Variants in DAAM1 observed in about 807,000 individuals in gnomAD.
The protein encoded by DAAM1 is dishevelled associated activator of morphogenesis 1.
In DAAM1, 52 loss-of-function variants were observed where a neutral mutation model predicts 130.0. That is an observed-to-expected ratio of 0.40 (90% CI 0.32 to 0.50). DAAM1 has a LOEUF of 0.50. Among genes scored for constraint, DAAM1 ranks in the 20% least tolerant of loss-of-function variants. The pLI is 0.61. For missense variants in DAAM1, 1,134 were observed against 1,303.8 expected, an observed-to-expected ratio of 0.87 and a Z score of 2.01; for synonymous variants, 452 against 444.5, an observed-to-expected ratio of 1.02 and a Z score of -0.21.
chr14:59,248,612 G>A (rs189855855), intron 1 of DAAM1, among the ~76,000 whole-genome samples: 2 of 152,164 alleles, frequency 1.3e-5, no homozygotes, highest in Admixed American at 6.5e-5. Flanking sequence ...TATGTGACCA[G>A]TTTACACACT....
At chr14:59,338,540 A>G in intron 15 of DAAM1, 1 of 963,982 alleles carries the variant, frequency 1.0e-6, no homozygotes, top group Admixed American at 2.4e-5. Context: ...TCTAATGCCT[A>G]GGTAACTCCA....
chr14:59,301,961 T>C (rs1314392286), intron 3 of DAAM1, among the ~76,000 whole-genome samples: 1 of 152,210 alleles, frequency 6.6e-6, no homozygotes, highest in Non-Finnish European at 1.5e-5. Context: ...TTCTAATACA[T>C]GTTGAGTATC....
At chr14:59,229,041 GT>G (rs1180358086) in intron 1 of DAAM1, among the ~76,000 whole-genome samples, 1 of 152,140 alleles carries the variant, frequency 6.6e-6, no homozygotes, top group Non-Finnish European at 1.5e-5. Flanking sequence ...GAATATTGTA[GT>G]TCTGATTAGC....
chr14:59,355,096 C>T (rs1886425221), intron 19 of DAAM1, 69 bp from the exon 20 acceptor site: 24 of 1,555,014 alleles, frequency 1.5e-5, no homozygotes, highest in Non-Finnish European at 2.1e-5. Flanking sequence ...GAATGGGTAT[C>T]ACTGAAACAT....
rs139268193 is a variant in DAAM1, at chr14:59,203,283, C to T, written c.-38+14515C>T. Among the ~76,000 whole-genome samples, 110 of 150,778 alleles carry T rather than the reference C, an allele frequency of 7.3e-4. 1 individual carries two copies. The highest frequency in any genetic ancestry group is 6.8e-3 in the Middle Eastern group (2 of 292). On this transcript the variant is annotated intron_variant, in intron 1 of 24. Coordinates refer to ENST00000360909, the MANE Select transcript of DAAM1 (RefSeq NM_001270520.2). ...TTGGCCTCCCAAAGTGCTGGGATTA[C>T]AGGCGTGAATAGCTTTCTTTTGGAG...
intron 15 of DAAM1, 39 bp downstream of exon 15, chr14:59,331,959 A>C: frequency 6.4e-7 from 1 of 1,550,914 alleles, no homozygotes; most frequent in Non-Finnish European, 8.9e-7. Context: ...AAAGGTAGAA[A>C]AATCATGTCT....
chr14:59,343,930 C>T (rs1031210577), intron 16 of DAAM1, among the ~76,000 whole-genome samples: 40 of 152,310 alleles, frequency 2.6e-4, no homozygotes, highest in African/African-American at 7.0e-4. Flanking sequence ...GTCTTAGAGA[C>T]GTTCCTCAGG....
chr14:59,338,353 T>G, intron 15 of DAAM1: 1 of 1,613,056 alleles, frequency 6.2e-7, no homozygotes, highest in African/African-American at 1.3e-5. Context: ...TATATCTGAT[T>G]TGCCTTTTCC....
chr14:59,208,437 C>T (rs2054321006), intron 1 of DAAM1, among the ~76,000 whole-genome samples: 1 of 152,166 alleles, frequency 6.6e-6, no homozygotes, highest in African/African-American at 2.4e-5. Context: ...CATCTGAGGC[C>T]ATGGCCGGAC....
chr14:59,362,055 G>T (rs1485449840), intron 22 of DAAM1, among the ~76,000 whole-genome samples: 3 of 137,850 alleles, frequency 2.2e-5, no homozygotes, highest in African/African-American at 8.2e-5. Context: ...GTAGGGGGCA[G>T]TATTAAAAAA....
rs1423046891 is a variant in DAAM1 at position 59,369,182 on chromosome 14, T to TATC, written c.*324_*326dup. The TATC allele has an allele frequency of 5.1e-6, 1 of 197,950 alleles. No homozygotes were observed. Among genetic ancestry groups the TATC allele is most frequent in the African/African-American group, 2.3e-5 (1 of 42,856 alleles). 12.3% of individuals were successfully genotyped at this position (197,950 alleles called of 1,614,324 possible). On this transcript the variant is annotated 3_prime_UTR_variant, in exon 25 of 25. Transcript: ENST00000360909. ...CCATGACTGTTCAGAAGCACAATACTATCTCCTGAAAGAGATAAGAGACAT... is the reference window on the plus strand; with the variant it reads ...CCATGACTGTTCAGAAGCACAATACTATCATCTCCTGAAAGAGATAAGAGACAT...
At chr14:59,201,826 G>A (rs1888115102) in intron 1 of DAAM1, among the ~76,000 whole-genome samples, 1 of 151,112 alleles carries the variant, frequency 6.6e-6, no homozygotes. Flanking sequence ...TGTCCATTTT[G>A]GTGTGACTGT....
intron 3 of DAAM1, among the ~76,000 whole-genome samples, chr14:59,312,240 G>A (rs969069554): frequency 6.6e-6 from 1 of 152,172 alleles, no homozygotes; most frequent in Non-Finnish European, 1.5e-5. Context: ...GACACTGAAT[G>A]GACATAACTG....
chr14:59,340,234 G>A, intron 16 of DAAM1, 54 bp downstream of exon 16: 1 of 1,535,786 alleles, frequency 6.5e-7, no homozygotes, highest in Non-Finnish European at 9.0e-7. Flanking sequence ...TCCATTCTGT[G>A]GCTCAAAACC....
chr14:59,200,864 T>G (rs1172578208), intron 1 of DAAM1, among the ~76,000 whole-genome samples: 1 of 152,054 alleles, frequency 6.6e-6, no homozygotes, highest in South Asian at 2.1e-4. Context: ...ACAGGATTCT[T>G]AAAGATCCCC....
chr14:59,369,179 T>G lies in DAAM1; in HGVS notation c.*320T>G, dbSNP rs1887045129. ...ACGCCATGACTGTTCAGAAGCACAA[T>G]ACTATCTCCTGAAAGAGATAAGAGA... On this transcript the variant is annotated 3_prime_UTR_variant, in exon 25 of 25. Coordinates refer to ENST00000360909, the MANE Select transcript of DAAM1 (RefSeq NM_001270520.2). The G allele has an allele frequency of 5.0e-6, 1 of 200,044 alleles. No homozygotes were observed. Among genetic ancestry groups the G allele is most frequent in the Non-Finnish European group, 1.0e-5 (1 of 98,714 alleles). The allele number at this position is 200,044 out of a possible 1,614,324, so 12.4% of individuals were successfully genotyped here.
At chr14:59,344,453 C>G (rs1452579162) in intron 16 of DAAM1, among the ~76,000 whole-genome samples, 1 of 152,176 alleles carries the variant, frequency 6.6e-6, no homozygotes, top group Non-Finnish European at 1.5e-5. Flanking sequence ...AGAACACTGC[C>G]AAGCTTTAAA....
Position 59,368,955 on chromosome 14 carries a change from A to T in DAAM1, c.*96A>T. The T allele has an allele frequency of 8.8e-7, 1 of 1,136,654 alleles. No individual in the cohort carries two copies. The highest frequency in any genetic ancestry group is 1.6e-5 in the South Asian group (1 of 63,062). 70.4% of individuals were successfully genotyped at this position (1,136,654 alleles called of 1,614,324 possible). A position where few individuals can be genotyped will look rare whatever the true frequency, so the allele number is the denominator to read the frequency against. Reference sequence around the variant, plus strand: ...CTGCCTTGCAATCCAAACAGTGGCAATTTTTTCCTTCATCTGTGAGTGAAT... The same window carrying T: ...CTGCCTTGCAATCCAAACAGTGGCATTTTTTTCCTTCATCTGTGAGTGAAT... On this transcript the variant is annotated 3_prime_UTR_variant, in exon 25 of 25. Transcript: ENST00000360909.
At chr14:59,364,290 A>G (rs2139689573) in intron 23 of DAAM1, among the ~76,000 whole-genome samples, 1 of 152,320 alleles carries the variant, frequency 6.6e-6, no homozygotes, top group African/African-American at 2.4e-5. Flanking sequence ...AGAACTCGCT[A>G]AAAGAGATGC....
Sources: allele counts gnomAD v4.1 joint callset (sites outside exome capture counted in the v4.1 genomes callset), GRCh38; gene constraint gnomAD v4.1.1; transcripts MANE v1.5; gene names NCBI Gene and HGNC (gene_info 2026-07-23, HGNC 2026-07-21).